Variants in PGA3 observed in about 807,000 individuals in gnomAD.
The protein encoded by PGA3 is pepsinogen A3.
A neutral mutation model predicts 15.6 loss-of-function variants in PGA3; 1 was observed. The observed-to-expected ratio is 0.06, with a 90% CI of 0.02 to 0.30. The LOEUF (loss-of-function observed/expected upper bound fraction) is 0.30. PGA3 is among the 10% of genes least tolerant of loss of function. PGA3 has a pLI of 1.00. For missense variants in PGA3, 29 were observed against 183.7 expected (o/e 0.16, Z 4.87); for synonymous variants, 14 against 79.5 (o/e 0.18, Z 4.38).
chr11:61,205,974 A>C, intron 2 of PGA3: 1 of 122,668 alleles, frequency 8.2e-6, no homozygotes, highest in South Asian at 1.3e-4. Context: ...TCCCGCCTGG[A>C]CAACAGAGTG....
chr11:61,204,633 G>A (rs749994163), intron 2 of PGA3: 7 of 434,940 alleles, frequency 1.6e-5, no homozygotes, highest in Admixed American at 1.2e-4. Flanking sequence ...ACAGAGTGAC[G>A]GTGTCACACT....
chr11:61,211,735 A>G (rs368316166), intron 8 of PGA3, among the ~76,000 whole-genome samples: 7 of 148,882 alleles, frequency 4.7e-5, no homozygotes, highest in South Asian at 4.2e-4. Flanking sequence ...TTGATTCTGA[A>G]CAAATTACAA....
At position 61,204,205 on chromosome 11, in the gene PGA3, A is replaced by G. The variant is rs1032745817; in HGVS notation, c.155A>G (p.Lys52Arg). 1 of 1,449,902 alleles carries G rather than the reference A, an allele frequency of 6.9e-7. No homozygotes were observed. The highest frequency in any genetic ancestry group is 9.5e-7 in the Non-Finnish European group (1 of 1,053,564). 89.8% of individuals were successfully genotyped at this position (1,449,902 alleles called of 1,614,324 possible). Reference sequence around the variant, plus strand: ...AAGCACAACCTCAACCCAGCCAGAAAGTACTTCCCCCAGTGGAAGGCTCCC... The same window carrying G: ...AAGCACAACCTCAACCCAGCCAGAAGGTACTTCCCCCAGTGGAAGGCTCCC... Reference protein sequence around the residue: ...LKKHNLNPARKYFPQWKAPTL... With the variant: ...LKKHNLNPARRYFPQWKAPTL... Residue 52 changes from lysine (K) to arginine (R), a missense_variant, in exon 2 of 9, where the codon AAG (lysine) becomes AGG (arginine). Transcript: ENST00000325558.
chr11:61,203,729 T>TC (rs1156583308), intron 1 of PGA3, 109 bp downstream of exon 1: 1 of 1,574,908 alleles, frequency 6.3e-7, no homozygotes, highest in Non-Finnish European at 8.7e-7. Flanking sequence ...GCTGTCTCCA[T>TC]CCCCCTTTTC....
At chr11:61,211,529 G>A in intron 8 of PGA3, 94 bp downstream of exon 8, 1 of 1,392,948 alleles carries the variant, frequency 7.2e-7, no homozygotes, top group Non-Finnish European at 1.0e-6. Context: ...TCCACGAGCT[G>A]AAGCCAAGAG....
At chr11:61,203,698 T>A in intron 1 of PGA3, 78 bp downstream of exon 1, 1 of 1,604,938 alleles carries the variant, frequency 6.2e-7, no homozygotes, top group Non-Finnish European at 8.5e-7. Flanking sequence ...CCTTCTTCCC[T>A]TTTTTCTCCC....
chr11:61,211,648 A>T lies in PGA3; in HGVS notation c.1017+213A>T, dbSNP rs1190236112. On this transcript the variant is annotated intron_variant, in intron 8 of 8. Transcript: ENST00000325558. ...TACAGCCCCCTAAGGGAACAAGTGA[A>T]GCAAAGGTTAATGGAGTGAAAAGAG... is the stretch of plus-strand genomic sequence containing the variant. Among the ~76,000 whole-genome samples, 390 of 149,720 alleles carry T rather than the reference A, an allele frequency of 2.6e-3. 7 individuals are homozygous for T. The highest frequency in any genetic ancestry group is 9.0e-3 in the African/African-American group (371 of 41,028).
intron 2 of PGA3, among the ~76,000 whole-genome samples, chr11:61,205,186 G>A (rs868708234): frequency 7.2e-5 from 11 of 151,926 alleles, no homozygotes; most frequent in Admixed American, 2.6e-4. Flanking sequence ...AATATCTACC[G>A]TCAGAGGATG....
chr11:61,211,551 C>T lies in PGA3; in HGVS notation c.1017+116C>T, dbSNP rs1220012002. On this transcript the variant is annotated intron_variant, in intron 8 of 8. Coordinates refer to ENST00000325558, the MANE Select transcript of PGA3 (RefSeq NM_001079807.4). Reference sequence around the variant, plus strand: ...GCTGAAGCCAAGAGGCAGAGGCAGACGAACATCTGCCCTAGACAGCCTCCA... The same window carrying T: ...GCTGAAGCCAAGAGGCAGAGGCAGATGAACATCTGCCCTAGACAGCCTCCA... The T allele has an allele frequency of 6.6e-5, 87 of 1,326,496 alleles. 2 individuals carry two copies. Among genetic ancestry groups the T allele is most frequent in the African/African-American group, 3.7e-4 (26 of 70,564 alleles). 82.2% of individuals were successfully genotyped at this position (1,326,496 alleles called of 1,614,324 possible). A position where few individuals can be genotyped will look rare whatever the true frequency, so the allele number is the denominator to read the frequency against.
chr11:61,203,579 G>T lies in PGA3; in HGVS notation c.15G>T (p.Leu5=). Residue 5 remains leucine, a synonymous_variant, in exon 1 of 9, where the codon CTG becomes CTT. Coordinates refer to ENST00000325558, the MANE Select transcript of PGA3 (RefSeq NM_001079807.4). The part of the protein sequence containing the change: MKWL[L]LLGLVALSEC... Reference sequence around the variant, plus strand: ...CGGGAAGAACCATGAAGTGGCTGCTGCTGCTGGGTCTGGTGGCACTCTCTG... The same window carrying T: ...CGGGAAGAACCATGAAGTGGCTGCTTCTGCTGGGTCTGGTGGCACTCTCTG... The T allele has an allele frequency of 6.2e-7, 1 of 1,611,440 alleles. No individual in the cohort carries two copies.
chr11:61,205,893 A>T (rs1853921779), intron 2 of PGA3: 1 of 91,066 alleles, frequency 1.1e-5, no homozygotes. Flanking sequence ...GCTACTTGGG[A>T]GGTTGAGGCA....
chr11:61,205,130 T>C (rs1183725163), intron 2 of PGA3, among the ~76,000 whole-genome samples: 4 of 151,992 alleles, frequency 2.6e-5, no homozygotes, highest in African/African-American at 9.7e-5. Context: ...GGCCAAGTCA[T>C]TTAAATACTC....
At chr11:61,204,528 G>A in intron 2 of PGA3, 1 of 514,614 alleles carries the variant, frequency 1.9e-6, no homozygotes, top group Middle Eastern at 5.8e-4. Flanking sequence ...TGGGCTCAGG[G>A]GGAGACAGCA....
At chr11:61,203,741 G>T in intron 1 of PGA3, 121 bp downstream of exon 1, 1 of 1,547,520 alleles carries the variant, frequency 6.5e-7, no homozygotes, top group East Asian at 2.3e-5. Flanking sequence ...CCCCTTTTCC[G>T]CCTCTCTCTC....
At chr11:61,206,153 C>T in intron 2 of PGA3, 1 of 179,950 alleles carries the variant, frequency 5.6e-6, no homozygotes, top group Middle Eastern at 2.6e-3. Context: ...CTGTAACTTG[C>T]CCGGTGCTAG....
In PGA3 at chr11:61,203,569, A is replaced by G. The variant is rs78669446; in HGVS notation, c.5A>G (p.Lys2Arg). 6.4e-3 allele frequency: 10,258 copies of G among 1,611,366 alleles called. 9 individuals carry two copies. The highest frequency in any genetic ancestry group is 7.7e-3 in the Non-Finnish European group (9,096 of 1,179,498). Residue 2 changes from lysine to arginine, a missense_variant, in exon 1 of 9, where the codon AAG becomes AGG. This residue lies in a region of PGA3 where 19 missense variants were observed against 77.9 expected (regional missense o/e 0.24). Coordinates refer to ENST00000325558, the MANE Select transcript of PGA3 (RefSeq NM_001079807.4). M[K>R]WLLLLGLVAL... is the part of the protein sequence containing the mutation. Reference sequence around the variant, plus strand: ...AGTTGGGACCCGGGAAGAACCATGAAGTGGCTGCTGCTGCTGGGTCTGGTG... The same window carrying G: ...AGTTGGGACCCGGGAAGAACCATGAGGTGGCTGCTGCTGCTGGGTCTGGTG...
Position 61,211,684 on chromosome 11 carries a change from G to A in PGA3, c.1017+249G>A, listed in dbSNP as rs552643226. Among the ~76,000 whole-genome samples the A allele has an allele frequency of 2.3e-3, 341 of 150,368 alleles. 18 individuals carry two copies. In the Middle Eastern group the frequency reaches 0.028, roughly 12 times the overall value. ...ATGGAGTGAAAAGAGGATTCTATTT[G>A]GACCCCTGGGTCCAAGTCCTGGGTC... On this transcript the variant is annotated intron_variant, in intron 8 of 8. Coordinates refer to ENST00000325558, the MANE Select transcript of PGA3 (RefSeq NM_001079807.4).
chr11:61,205,433 A>G (rs1783872), intron 2 of PGA3, among the ~76,000 whole-genome samples: 10 of 152,320 alleles, frequency 6.6e-5, no homozygotes, highest in Admixed American at 2.6e-4. Context: ...AGAATTTCAG[A>G]TAATGATGAG....
chr11:61,205,229 A>G (rs1298478015), intron 2 of PGA3, among the ~76,000 whole-genome samples: 2 of 151,898 alleles, frequency 1.3e-5, no homozygotes, highest in East Asian at 1.9e-4. Context: ...TGTTTTCTGG[A>G]GTGCTTAGCA....
Sources: gnomAD v4.1 joint callset for allele counts (sites outside exome capture counted in the v4.1 genomes callset) on GRCh38, gnomAD v4.1.1 for gene constraint, gnomAD v4.1.1 regional missense constraint, MANE v1.5 for transcripts, NCBI Gene and HGNC (gene_info 2026-07-23, HGNC 2026-07-21) for gene names.